The following PLEC variants were observed in gnomAD, a reference collection of about 807,000 sequenced individuals.
PLEC encodes the protein plectin.
Under a neutral mutation model 392.8 loss-of-function variants are expected in PLEC, and 216 were observed. That is an observed-to-expected ratio of 0.55 (90% CI 0.49 to 0.62). The LOEUF (loss-of-function observed/expected upper bound fraction) is 0.62. Among genes scored for constraint, PLEC ranks in the 20% least tolerant of loss-of-function variants. The probability of loss-of-function intolerance (pLI) is 0.00; values close to 1 mark genes in which losing one functional copy is unlikely to be tolerated. For synonymous variants in PLEC, 3,621 were observed against 2,980.6 expected, an observed-to-expected ratio of 1.21 and a Z score of -7.00; for missense variants, 6,863 against 6,563.4, an observed-to-expected ratio of 1.05 and a Z score of -1.58.
rs1554687586 is a variant in PLEC at position 143,921,902 on chromosome 8, G to A, written c.7919C>T (p.Ala2640Val). The change falls in exon 32 of 32, where the codon GCA becomes GTA. Residue 2640 changes from alanine to valine, a missense_variant. By Grantham distance (64) the Ala-to-Val change is moderately conservative. Coordinates refer to ENST00000345136, the MANE Select transcript of PLEC (RefSeq NM_201384.3). ...GCCATCGAAGCTGTGCTCCGGCTCT[G>A]CCTCTGCCGCGGGGCCATCAAGTGC... ...RDALDGPAAE[A>V]EPEHSFDGLR... 4 of 1,600,234 alleles carry A rather than the reference G, an allele frequency of 2.5e-6. No individual in the cohort carries two copies. The highest frequency in any genetic ancestry group is 3.4e-6 in the Non-Finnish European group (4 of 1,179,746).
chr8:143,961,459 C>T (rs1026325137), intron 1 of PLEC, among the ~76,000 whole-genome samples: 6 of 152,132 alleles, frequency 3.9e-5, no homozygotes, highest in Non-Finnish European at 8.8e-5. Flanking sequence ...CTCCTGACCT[C>T]GTGATCTGCC....
rs374595008 is a variant in PLEC, at chr8:143,918,097, C to T, written c.11724G>A (p.Ala3908=). 34 of 1,596,296 alleles carry T rather than the reference C, an allele frequency of 2.1e-5. No individual in the cohort carries two copies. Among genetic ancestry groups the T allele is most frequent in the East Asian group, 6.7e-5 (3 of 44,452 alleles). ...AGGTCAGGCCCTCCCGCAGCTGCAG[C>T]GCCGTGGCCTCGTCCATGACCTGCG... ...VRSQVMDEAT[A]LQLREGLTSI... is the part of the protein sequence containing the mutation. Residue 3908 remains alanine, a synonymous_variant, in exon 32 of 32, where the codon GCG becomes GCA. Transcript: ENST00000345136.
Position 143,917,613 on chromosome 8 carries a change from C to T in PLEC, c.12208G>A (p.Gly4070Ser), listed in dbSNP as rs201751379. 1.4e-4 allele frequency: 232 copies of T among 1,613,620 alleles called. No homozygotes were observed. Among genetic ancestry groups the T allele is most frequent in the Non-Finnish European group, 1.4e-4 (168 of 1,180,022 alleles). The part of the protein sequence containing the change: ...RLPVEVAYKR[G>S]LFDEEMNEIL... ...TCGTTCATCTCCTCATCGAAGAGGC[C>T]GCGCTTGTAGGCCACCTCCACGGGC... The change falls in exon 32 of 32, where the codon GGC (glycine) becomes AGC (serine). Residue 4070 changes from glycine to serine, a missense_variant. Physicochemically the swap from Gly to Ser is moderately conservative, Grantham distance 56 (BLOSUM62 0). Coordinates refer to ENST00000345136, the MANE Select transcript of PLEC (RefSeq NM_201384.3).
chr8:143,920,450 A>C lies in PLEC; in HGVS notation c.9371T>G (p.Leu3124Arg). Residue 3124 changes from leucine (L) to arginine (R), a missense_variant, in exon 32 of 32, where the codon CTC becomes CGC. By Grantham distance (102) the Leu-to-Arg change is moderately radical. Coordinates refer to ENST00000345136, the MANE Select transcript of PLEC (RefSeq NM_201384.3). ...GCGCAGGCCCTGCTCCCGGGGAATGAGGCCCTTCTTCAGGGCCTGGAACAG... is the reference window on the plus strand; with the variant it reads ...GCGCAGGCCCTGCTCCCGGGGAATGCGGCCCTTCTTCAGGGCCTGGAACAG... The part of the protein sequence containing the change: ...VSLFQALKKG[L>R]IPREQGLRLL... 6.2e-7 allele frequency: 1 copy of C among 1,600,748 alleles called. No individual in the cohort carries two copies. The highest frequency in any genetic ancestry group is 1.1e-5 in the South Asian group (1 of 90,790).
At chr8:143,934,492 G>A in intron 10 of PLEC, 47 bp from the exon 11 acceptor site, 2 of 1,607,744 alleles carry the variant, frequency 1.2e-6, no homozygotes, top group Non-Finnish European at 1.7e-6. Context: ...GGGGCAGGGG[G>A]TGGGGCGCTG....
Position 143,923,758 on chromosome 8 carries a change from C to T in PLEC, c.6171G>A (p.Ala2057=), listed in dbSNP as rs782717466. 5.7e-5 allele frequency: 88 copies of T among 1,556,630 alleles called. No individual in the cohort carries two copies. The East Asian group carries it at 1.4e-3, about 24-fold the overall frequency. ...LQAEEKAHAF[A]VQQKEQELQQ... ...GTAGCTCCTGCTCCTTCTGCTGCAC[C>T]GCGAAGGCGTGTGCCTTCTCTTCCG... is the stretch of plus-strand genomic sequence containing the variant. Residue 2057 remains alanine (A), a synonymous_variant, in exon 31 of 32, where the codon GCG becomes GCA. Transcript: ENST00000345136.
chr8:143,923,088 C>T lies in PLEC; in HGVS notation c.6841G>A (p.Ala2281Thr), dbSNP rs200618217. ...EKMKQVAEEA[A>T]RLSVAAQEAA... is the part of the protein sequence containing the mutation. Reference sequence around the variant, plus strand: ...TCTTGGGCCGCCACACTCAGCCGCGCGGCCTCCTCCGCCACCTGCTTCATC... The same window carrying T: ...TCTTGGGCCGCCACACTCAGCCGCGTGGCCTCCTCCGCCACCTGCTTCATC... The change falls in exon 31 of 32, where the codon GCG (alanine) becomes ACG (threonine). Residue 2281 changes from alanine to threonine, a missense_variant. Physicochemically the swap from Ala to Thr is moderately conservative, Grantham distance 58 (BLOSUM62 0). Coordinates refer to ENST00000345136, the MANE Select transcript of PLEC (RefSeq NM_201384.3). The T allele has an allele frequency of 1.3e-4, 213 of 1,606,934 alleles. No individual in the cohort carries two copies. Among genetic ancestry groups the T allele is most frequent in the Non-Finnish European group, 1.6e-4 (193 of 1,179,822 alleles).
At chr8:143,955,239 G>A (rs1832526896), upstream of PLEC, among the ~76,000 whole-genome samples, 1 of 152,212 alleles carries the variant, frequency 6.6e-6, no homozygotes, top group Non-Finnish European at 1.5e-5. Flanking sequence ...CACTTTGGGA[G>A]GCCGAGGCAG....
intron 17 of PLEC, 41 bp downstream of exon 17, chr8:143,932,089 C>G (rs782266583): frequency 6.4e-7 from 1 of 1,570,086 alleles, no homozygotes; most frequent in African/African-American, 1.4e-5. Flanking sequence ...GGACCCGGCA[C>G]GGCCCCCCCC....
chr8:143,931,075 G>C (rs1205686487), intron 19 of PLEC, among the ~76,000 whole-genome samples: 1 of 152,170 alleles, frequency 6.6e-6, no homozygotes, highest in East Asian at 1.9e-4. Flanking sequence ...CAGATCTCAG[G>C]CCAAACAGCT....
At position 143,932,616 on chromosome 8, in the gene PLEC, T is replaced by C. The variant is rs782094803; in HGVS notation, c.1815+19A>G. The C allele has an allele frequency of 8.1e-6, 13 of 1,610,832 alleles. No homozygotes were observed. Among genetic ancestry groups the C allele is most frequent in the East Asian group, 2.2e-5 (1 of 44,814 alleles). On this transcript the variant is annotated intron_variant, in intron 15 of 31. Transcript: ENST00000345136. ...CCGCGGGCTACCCACCTCCCCCGGC[T>C]GGCCCTGCCCCCACTCACCAGCAGC... is the stretch of plus-strand genomic sequence containing the variant.
rs782636849 is a variant in PLEC, at chr8:143,921,725, G to A, written c.8096C>T (p.Ala2699Val). The A allele has an allele frequency of 1.2e-6, 2 of 1,612,892 alleles. No homozygotes were observed. Among genetic ancestry groups the A allele is most frequent in the Non-Finnish European group, 1.7e-6 (2 of 1,179,908 alleles). The change falls in exon 32 of 32, where the codon GCA becomes GTA. Residue 2699 changes from alanine (A) to valine (V), a missense_variant. Transcript: ENST00000345136. ...RHYLQGRSSI[A>V]GLLLKATNEK... Reference sequence around the variant, plus strand: ...ATTGGTGGCCTTCAGCAACAGCCCTGCGATACTGCTGCGGCCCTGCAGGTA... The same window carrying A: ...ATTGGTGGCCTTCAGCAACAGCCCTACGATACTGCTGCGGCCCTGCAGGTA...
upstream of PLEC, among the ~76,000 whole-genome samples, chr8:143,955,429 C>T (rs111625088): frequency 1.6e-4 from 25 of 152,222 alleles, no homozygotes; most frequent in Middle Eastern, 3.4e-3. Context: ...TGCAGTGAGC[C>T]GAGATCGCGC....
In PLEC at chr8:143,934,430, C is replaced by T. The variant is rs782230178; in HGVS notation, c.1057G>A (p.Gly353Ser). ...TAGCCAGGGGGCACCTTGAGCTGGCCTGCTTGCACCGCTCCCTGTAGACAG... is the reference window on the plus strand; with the variant it reads ...TAGCCAGGGGGCACCTTGAGCTGGCTTGCTTGCACCGCTCCCTGTAGACAG... ...YQSLEGAVQA[G>S]QLKVPPGYHP... is the part of the protein sequence containing the mutation. The change falls in exon 11 of 32, where the codon GGC becomes AGC. Residue 353 changes from glycine to serine, a missense_variant. Physicochemically the swap from Gly to Ser is moderately conservative, Grantham distance 56 (BLOSUM62 0). Transcript: ENST00000345136. The T allele has an allele frequency of 1.2e-6, 2 of 1,611,778 alleles. No homozygotes were observed. The highest frequency in any genetic ancestry group is 8.5e-7 in the Non-Finnish European group (1 of 1,179,904).
At position 143,917,069 on chromosome 8, in the gene PLEC, CCCA is replaced by C. The variant is rs1434994443; in HGVS notation, c.12749_12751del (p.Val4250del). The C allele has an allele frequency of 3.5e-5, 56 of 1,607,180 alleles. No individual in the cohort carries two copies. The highest frequency in any genetic ancestry group is 4.8e-5 in the Non-Finnish European group (56 of 1,175,234). ...GCTGATGGGGTAGGAGGAGGAGGAT[CCCA>C]CCGAGGAGGAACGGGAGCGGAAACC... On this transcript the variant is annotated inframe_deletion, in exon 32 of 32. Coordinates refer to ENST00000345136, the MANE Select transcript of PLEC (RefSeq NM_201384.3).
At chr8:143,968,391 G>A (rs1554742993) in intron 1 of PLEC, among the ~76,000 whole-genome samples, 5 of 151,890 alleles carry the variant, frequency 3.3e-5, no homozygotes, top group African/African-American at 4.8e-5. Context: ...CCAATATGGC[G>A]AAGCCCCATC....
chr8:143,953,858 G>A, upstream of PLEC: 7 of 1,575,806 alleles, frequency 4.4e-6, no homozygotes, highest in Non-Finnish European at 6.0e-6. Flanking sequence ...CCGCAGCCGG[G>A]GGAGGAGCCC....
Position 143,929,208 on chromosome 8 carries a change from G to T in PLEC, c.3155C>A (p.Ala1052Asp). 6.2e-7 allele frequency: 1 copy of T among 1,602,518 alleles called. No homozygotes were observed. The change falls in exon 25 of 32, where the codon GCC (alanine) becomes GAC (aspartate). Residue 1052 changes from alanine to aspartate, a missense_variant. Physicochemically the swap from Ala to Asp is moderately radical, Grantham distance 126. Transcript: ENST00000345136. The part of the protein sequence containing the change: ...RLSAEAEKVL[A>D]LPEPSPAAPT... ...GGCCGCAGGCGATGGCTCTGGTAGGGCCAAGACCTTCTCGGCCTCGGCAGA... is the reference window on the plus strand; with the variant it reads ...GGCCGCAGGCGATGGCTCTGGTAGGTCCAAGACCTTCTCGGCCTCGGCAGA...
At position 143,924,647 on chromosome 8, in the gene PLEC, C is replaced by T. The variant is rs1017162309; in HGVS notation, c.5282G>A (p.Arg1761Gln). 2.1e-5 allele frequency: 33 copies of T among 1,537,322 alleles called. No individual in the cohort carries two copies. The highest frequency in any genetic ancestry group is 9.6e-5 in the African/African-American group (7 of 73,046). The change falls in exon 31 of 32, where the codon CGG (arginine) becomes CAG (glutamine). Residue 1761 changes from arginine to glutamine, a missense_variant. Arg to Gln is a conservative substitution (Grantham distance 43, BLOSUM62 1). Coordinates refer to ENST00000345136, the MANE Select transcript of PLEC (RefSeq NM_201384.3). ...GGCCAGCAGCACCTCCATCTCGGCC[C>T]GCACCTTGGCCAGCTCGGCTTCCAG... ...QELEAELAKV[R>Q]AEMEVLLASK...
Sources: allele counts gnomAD v4.1 joint callset (sites outside exome capture counted in the v4.1 genomes callset), GRCh38; gene constraint gnomAD v4.1.1; transcripts MANE v1.5; gene names NCBI Gene and HGNC (gene_info 2026-07-23, HGNC 2026-07-21).